The following FAM13A variants were observed in gnomAD, a reference collection of about 807,000 sequenced individuals.
FAM13A encodes family with sequence similarity 13 member A, also known as protein FAM13A.
Under a neutral mutation model 129.6 loss-of-function variants are expected in FAM13A, and 76 were observed. The observed-to-expected ratio is 0.59, with a 90% confidence interval of 0.49 to 0.71. The LOEUF (loss-of-function observed/expected upper bound fraction) is 0.71, where lower values mean the gene tolerates loss of function less well. FAM13A is among the 30% of genes least tolerant of loss of function. The probability of loss-of-function intolerance (pLI) is 0.00; values close to 1 mark genes in which losing one functional copy is unlikely to be tolerated. For synonymous variants in FAM13A, 443 were observed against 449.9 expected, an observed-to-expected ratio of 0.98 and a Z score of 0.20; for missense variants, 1,108 against 1,249.3, an observed-to-expected ratio of 0.89 and a Z score of 1.70.
chr4:88,914,885 T>C (rs2148685632), intron 5 of FAM13A, among the ~76,000 whole-genome samples: 2 of 152,342 alleles, frequency 1.3e-5, no homozygotes, highest in East Asian at 3.9e-4. Context: ...TTTGGTGGAC[T>C]CTGTGATATT....
intron 14 of FAM13A, among the ~76,000 whole-genome samples, chr4:88,757,866 G>A (rs868489473): frequency 1.3e-5 from 2 of 152,160 alleles, no homozygotes; most frequent in South Asian, 4.1e-4. Context: ...GGAGATCCAC[G>A]TGCTGAAACG....
intron 1 of FAM13A, among the ~76,000 whole-genome samples, chr4:89,048,751 C>A (rs1422835304): frequency 6.6e-6 from 1 of 152,008 alleles, no homozygotes; most frequent in South Asian, 2.1e-4. Context: ...TTCAATAATT[C>A]TAGATGAAAT....
At chr4:88,937,181 G>C (rs953543885) in intron 5 of FAM13A, 2 of 152,170 alleles carry the variant, frequency 1.3e-5, no homozygotes, top group Non-Finnish European at 2.9e-5. Flanking sequence ...GATGCTACTT[G>C]ATACTCAAAC....
chr4:88,930,453 A>G (rs1248503386), intron 5 of FAM13A, among the ~76,000 whole-genome samples: 1 of 152,154 alleles, frequency 6.6e-6, no homozygotes, highest in African/African-American at 2.4e-5. Flanking sequence ...TCAGCAATAC[A>G]CAGGGTCAGT....
At chr4:88,754,229 C>T (rs1008777006) in intron 14 of FAM13A, among the ~76,000 whole-genome samples, 2 of 151,934 alleles carry the variant, frequency 1.3e-5, no homozygotes, top group East Asian at 1.9e-4. Flanking sequence ...TGCAGCAGGT[C>T]GGAAATAACA....
intron 1 of FAM13A, among the ~76,000 whole-genome samples, chr4:89,035,465 G>T (rs1769262768): frequency 7.4e-6 from 1 of 135,042 alleles, no homozygotes; most frequent in South Asian, 2.5e-4. Flanking sequence ...AAGAAAGAAA[G>T]AAAAGAAAAG....
At chr4:88,816,577 T>C (rs1236480084) in intron 7 of FAM13A, among the ~76,000 whole-genome samples, 1 of 152,178 alleles carries the variant, frequency 6.6e-6, no homozygotes, top group Non-Finnish European at 1.5e-5. Flanking sequence ...AGCTCAATGC[T>C]AATGGGAGGA....
intron 5 of FAM13A, among the ~76,000 whole-genome samples, chr4:88,934,591 C>T (rs951599957): frequency 1.3e-5 from 2 of 152,214 alleles, no homozygotes; most frequent in Non-Finnish European, 2.9e-5. Flanking sequence ...AGAAATTAGA[C>T]TGTGGCTGTT....
chr4:88,900,511 G>T (rs982611375), intron 6 of FAM13A, among the ~76,000 whole-genome samples: 1 of 152,030 alleles, frequency 6.6e-6, no homozygotes, highest in African/African-American at 2.4e-5. Flanking sequence ...TTAAAAAAAA[G>T]AATTTCCAAT....
In FAM13A at chr4:88,851,068, T is replaced by C; in HGVS notation, c.959A>G (p.Glu320Gly). 2 of 1,614,004 alleles carry C rather than the reference T, an allele frequency of 1.2e-6. No homozygotes were observed. The highest frequency in any genetic ancestry group is 2.2e-5 in the East Asian group (1 of 44,872). ...LRLSYRKACL[E>G]DMNSAEGAIS... ...AGCACCCTCTGCTGAATTCATGTCT[T>C]CCAAGCAGGCTTTTCTATAACTTAG... Residue 320 changes from glutamate (E) to glycine (G), a missense_variant, in exon 7 of 24, where the codon GAA becomes GGA. Coordinates refer to ENST00000264344, the MANE Select transcript of FAM13A (RefSeq NM_014883.4).
intron 19 of FAM13A, among the ~76,000 whole-genome samples, chr4:88,742,539 T>G (rs1457713167): frequency 6.6e-6 from 1 of 152,208 alleles, no homozygotes; most frequent in Non-Finnish European, 1.5e-5. Flanking sequence ...AACGACCTGA[T>G]TTTTATCATA....
intron 10 of FAM13A, among the ~76,000 whole-genome samples, chr4:88,785,783 A>G (rs1723845579): frequency 6.6e-6 from 1 of 152,190 alleles, no homozygotes; most frequent in African/African-American, 2.4e-5. Context: ...TGGAGAGCTA[A>G]GAGAAGCCGT....
At chr4:88,789,620 G>A (rs1448548830) in intron 9 of FAM13A, among the ~76,000 whole-genome samples, 1 of 152,154 alleles carries the variant, frequency 6.6e-6, no homozygotes, top group Non-Finnish European at 1.5e-5. Flanking sequence ...AGGCAGTAGG[G>A]AGATAGCAAT....
At chr4:89,046,211 T>C (rs1157059909) in intron 1 of FAM13A, among the ~76,000 whole-genome samples, 2 of 151,704 alleles carry the variant, frequency 1.3e-5, no homozygotes, top group Non-Finnish European at 2.9e-5. Flanking sequence ...ACTGGGAAAG[T>C]TTGATGAAAA....
chr4:88,914,856 T>C (rs1749821665), intron 5 of FAM13A, among the ~76,000 whole-genome samples: 1 of 152,254 alleles, frequency 6.6e-6, no homozygotes, highest in Non-Finnish European at 1.5e-5. Context: ...TTAGCATTAA[T>C]TTCCAACCAT....
At chr4:89,002,619 A>G (rs999321736) in intron 3 of FAM13A, among the ~76,000 whole-genome samples, 13 of 152,176 alleles carry the variant, frequency 8.5e-5, no homozygotes, top group South Asian at 2.1e-4. Flanking sequence ...TCATTTTTCT[A>G]TCTAATCCTT....
At chr4:88,986,773 G>A (rs919236916) in intron 4 of FAM13A, among the ~76,000 whole-genome samples, 1 of 152,164 alleles carries the variant, frequency 6.6e-6, no homozygotes, top group Non-Finnish European at 1.5e-5. Context: ...CACTGTCAGA[G>A]TATAGAGTTA....
chr4:88,875,799 C>T (rs1207140244), intron 6 of FAM13A, among the ~76,000 whole-genome samples: 1 of 151,962 alleles, frequency 6.6e-6, no homozygotes, highest in Non-Finnish European at 1.5e-5. Context: ...GGATATATAC[C>T]CAAAGGATTA....
intron 4 of FAM13A, among the ~76,000 whole-genome samples, chr4:88,958,396 ACTTTGGAGC>A (rs1209239890): frequency 2.6e-5 from 4 of 152,000 alleles, no homozygotes; most frequent in African/African-American, 9.7e-5. Flanking sequence ...TTGAGCTGAT[ACTTTGGAGC>A]CTCTCACTGC....
Sources: gnomAD v4.1 joint callset for allele counts (sites outside exome capture counted in the v4.1 genomes callset) on GRCh38, gnomAD v4.1.1 for gene constraint, MANE v1.5 for transcripts, NCBI Gene and HGNC (gene_info 2026-07-23, HGNC 2026-07-21) for gene names.